Variants in EIF3B observed in about 807,000 individuals in gnomAD.
The protein encoded by EIF3B is eukaryotic translation initiation factor 3 subunit B.
In EIF3B, 10 loss-of-function variants were observed where a neutral mutation model predicts 104.6. The ratio of observed to expected loss-of-function variants is 0.10; its 90% CI spans 0.06 to 0.16. The LOEUF (loss-of-function observed/expected upper bound fraction) is 0.16, where lower values mean the gene tolerates loss of function less well. EIF3B is among the 10% of genes least tolerant of loss of function. EIF3B has a pLI of 1.00. For missense variants in EIF3B, 1,014 were observed against 1,087.9 expected (o/e 0.93, Z 0.96); for synonymous variants, 542 against 417.2 (o/e 1.30, Z -3.65).
chr7:2,361,040 C>G (rs1685696299), intron 2 of EIF3B, 138 bp downstream of exon 2: 2 of 622,456 alleles, frequency 3.2e-6, no homozygotes, highest in Non-Finnish European at 5.5e-6. Context: ...CCGCCCTCAG[C>G]TGGAAGCTAT....
intron 1 of EIF3B, among the ~76,000 whole-genome samples, chr7:2,356,006 T>G (rs1304110540): frequency 2.0e-5 from 3 of 152,218 alleles, no homozygotes; most frequent in Non-Finnish European, 4.4e-5. Flanking sequence ...TTTCCAGGTT[T>G]TAATATTGCC....
intron 9 of EIF3B, among the ~76,000 whole-genome samples, chr7:2,368,655 A>G (rs895314094): frequency 6.6e-6 from 1 of 152,204 alleles, no homozygotes; most frequent in Non-Finnish European, 1.5e-5. Context: ...TGGGGTTTCC[A>G]GCCTTTTAAG....
intron 2 of EIF3B, among the ~76,000 whole-genome samples, chr7:2,361,287 A>G (rs549607415): frequency 6.6e-6 from 1 of 152,316 alleles, no homozygotes; most frequent in South Asian, 2.1e-4. Flanking sequence ...AAAACTAACT[A>G]GAATAGTTTT....
intron 2 of EIF3B, 112 bp downstream of exon 2, chr7:2,361,014 C>G (rs943755300): frequency 2.5e-6 from 2 of 794,922 alleles, no homozygotes; most frequent in African/African-American, 3.5e-5. Flanking sequence ...GCACGTGGGC[C>G]GTTCACTTCT....
chr7:2,355,719 C>T (rs571475866), intron 1 of EIF3B, among the ~76,000 whole-genome samples: 3 of 152,244 alleles, frequency 2.0e-5, no homozygotes, highest in South Asian at 2.1e-4. Context: ...TGGGGTACTC[C>T]GTTATGGCTG....
chr7:2,369,369 C>A, intron 9 of EIF3B, 103 bp from the exon 10 acceptor site: 2 of 1,224,084 alleles, frequency 1.6e-6, no homozygotes, highest in South Asian at 1.3e-5. Flanking sequence ...GCTGTGACAG[C>A]ATTGAGCTTC....
At position 2,366,443 on chromosome 7, in the gene EIF3B, T is replaced by C; in HGVS notation, c.1284T>C (p.Ile428=). The change falls in exon 7 of 19, where the codon ATT becomes ATC. Residue 428 remains isoleucine (I), a synonymous_variant. Transcript: ENST00000360876. ...FHCESSAHWP[I]FKWSHDGKFF... ...GTGAGAGCTCAGCCCATTGGCCTAT[T>C]TTTAAGTAAGTGGACCATTGTAACG... 6.2e-7 allele frequency: 1 copy of C among 1,614,048 alleles called. No homozygotes were observed. Among genetic ancestry groups the C allele is most frequent in the Non-Finnish European group, 8.5e-7 (1 of 1,179,982 alleles).
intron 15 of EIF3B, 87 bp downstream of exon 15, chr7:2,377,162 G>T: frequency 6.7e-7 from 1 of 1,483,928 alleles, no homozygotes. Context: ...TATTGTTAGG[G>T]TGGTGACTGG....
intron 6 of EIF3B, 66 bp from the exon 7 acceptor site, chr7:2,366,251 C>T (rs1030770963): frequency 4.2e-5 from 63 of 1,499,812 alleles, no homozygotes; most frequent in East Asian, 2.8e-4. Context: ...GTGTTCTGGC[C>T]GCACAGACAG....
chr7:2,371,772 A>C lies in EIF3B; in HGVS notation c.1615-5A>C. ...TGTCACCCCTTCCCCCTTTTTTTTA[A>C]ACAGGGTGTTGTCACAAATTTTGAA... is the stretch of plus-strand genomic sequence containing the variant. On this transcript the variant is annotated splice_region_variant and splice_polypyrimidine_tract_variant and intron_variant, in intron 10 of 18. Transcript: ENST00000360876. 1 of 1,609,428 alleles carries C rather than the reference A, an allele frequency of 6.2e-7. No homozygotes were observed. The highest frequency in any genetic ancestry group is 8.5e-7 in the Non-Finnish European group (1 of 1,176,700).
intron 10 of EIF3B, among the ~76,000 whole-genome samples, chr7:2,370,847 G>C (rs4721651): frequency 3.9e-5 from 6 of 152,046 alleles, no homozygotes; most frequent in African/African-American, 1.4e-4. Flanking sequence ...AGGCTGAGGC[G>C]GGGCATCACA....
chr7:2,362,865 GT>G, intron 3 of EIF3B, 101 bp downstream of exon 3: 1 of 1,553,066 alleles, frequency 6.4e-7, no homozygotes, highest in Non-Finnish European at 8.8e-7. Context: ...CTGTCAGATT[GT>G]TCACATCCTT....
chr7:2,364,224 T>C (rs1779887046), intron 5 of EIF3B, 148 bp from the exon 6 acceptor site: 1 of 696,610 alleles, frequency 1.4e-6, no homozygotes, highest in South Asian at 2.1e-5. Context: ...ATTGCGCCAC[T>C]GCACTCCAGC....
At chr7:2,360,583 T>C in intron 1 of EIF3B, 127 bp from the exon 2 acceptor site, 1 of 743,890 alleles carries the variant, frequency 1.3e-6, no homozygotes. Flanking sequence ...TTAGGATTTC[T>C]TTTGCTCACA....
At chr7:2,378,975 G>A in intron 16 of EIF3B, 159 bp from the exon 17 acceptor site, 1 of 752,490 alleles carries the variant, frequency 1.3e-6, no homozygotes, top group Non-Finnish European at 2.2e-6. Context: ...GTGGGTGGGG[G>A]GCAGCGTTGG....
chr7:2,371,882 G>A (rs1195623600), intron 11 of EIF3B, 33 bp downstream of exon 11: 2 of 1,543,696 alleles, frequency 1.3e-6, no homozygotes, highest in Admixed American at 3.3e-5. Context: ...TGAGGCGAAT[G>A]GGGCCTACGT....
chr7:2,371,211 CTG>C (rs1780323415), intron 10 of EIF3B, among the ~76,000 whole-genome samples: 1 of 152,258 alleles, frequency 6.6e-6, no homozygotes, highest in African/African-American at 2.4e-5. Context: ...ATGCCACCTT[CTG>C]TGTTTGACCT....
chr7:2,357,911 G>A (rs189757289), intron 1 of EIF3B, among the ~76,000 whole-genome samples: 5 of 152,228 alleles, frequency 3.3e-5, no homozygotes, highest in Admixed American at 2.6e-4. Context: ...AGGCTTGTCA[G>A]GCTATTTAAT....
intron 9 of EIF3B, among the ~76,000 whole-genome samples, chr7:2,368,900 G>A (rs1302942492): frequency 6.6e-6 from 1 of 152,190 alleles, no homozygotes; most frequent in Non-Finnish European, 1.5e-5. Flanking sequence ...AAAATGAAAA[G>A]ACCAGGACGT....
Sources: gnomAD v4.1 joint callset for allele counts (sites outside exome capture counted in the v4.1 genomes callset) on GRCh38, gnomAD v4.1.1 for gene constraint, MANE v1.5 for transcripts, NCBI Gene and HGNC (gene_info 2026-07-23, HGNC 2026-07-21) for gene names.